The following RIMS2 variants were observed in gnomAD, a reference collection of about 807,000 sequenced individuals.
The protein encoded by RIMS2 is regulating synaptic membrane exocytosis 2.
Under a neutral mutation model 174.4 loss-of-function variants are expected in RIMS2, and 59 were observed. That is an observed-to-expected ratio of 0.34 (90% CI 0.27 to 0.42). RIMS2 has a LOEUF of 0.42. Among genes scored for constraint, RIMS2 ranks in the 10% least tolerant of loss-of-function variants. The pLI, the probability that RIMS2 is intolerant of heterozygous loss-of-function variation, is 1.00. For missense variants in RIMS2, 1,620 were observed against 1,666.3 expected, an observed-to-expected ratio of 0.97 and a Z score of 0.48; for synonymous variants, 606 against 572.5, an observed-to-expected ratio of 1.06 and a Z score of -0.84.
intron 11 of RIMS2, among the ~76,000 whole-genome samples, chr8:103,929,366 G>T (rs1318298745): frequency 6.6e-6 from 1 of 151,630 alleles, no homozygotes; most frequent in Non-Finnish European, 1.5e-5. Context: ...AAATGTTGAT[G>T]GTGGAGATGG....
intron 2 of RIMS2, among the ~76,000 whole-genome samples, chr8:103,721,486 G>A (rs1282571528): frequency 6.6e-6 from 1 of 152,196 alleles, no homozygotes; most frequent in Non-Finnish European, 1.5e-5. Flanking sequence ...ATATGTTGAA[G>A]TTTTATAGAA....
At chr8:103,756,348 A>C (rs2098004440) in intron 2 of RIMS2, among the ~76,000 whole-genome samples, 1 of 149,516 alleles carries the variant, frequency 6.7e-6, no homozygotes, top group Non-Finnish European at 1.5e-5. Flanking sequence ...GCCATCTTGG[A>C]ATGGATCCTT....
chr8:103,994,199 A>G lies in RIMS2; in HGVS notation c.3044+4778A>G, dbSNP rs143119331. Among the ~76,000 whole-genome samples the G allele has an allele frequency of 8.5e-4, 129 of 152,236 alleles. 2 individuals carry two copies. In the East Asian group the frequency reaches 0.025, roughly 29 times the overall value. ...GACTAAAGTGATTCCTAAAGGGGAC[A>G]TTCGGCTAATTTCATATAGTGGAAG... On this transcript the variant is annotated intron_variant, in intron 17 of 23. Coordinates refer to ENST00000504942, the Ensembl canonical transcript of RIMS2.
chr8:103,896,125 T>C (rs765318608), intron 4 of RIMS2, among the ~76,000 whole-genome samples: 3 of 151,644 alleles, frequency 2.0e-5, no homozygotes, highest in Non-Finnish European at 2.9e-5. Context: ...CTTATTTCCA[T>C]GGTCTTCCTG....
At chr8:103,957,649 C>T (rs1375571783) in intron 14 of RIMS2, among the ~76,000 whole-genome samples, 2 of 152,094 alleles carry the variant, frequency 1.3e-5, no homozygotes, top group East Asian at 3.9e-4. Context: ...GGAGAAATAC[C>T]TTATGTAGTT....
At chr8:104,013,650 C>T (rs754122601) in intron 18 of RIMS2, 29 bp downstream of exon 20, 6 of 1,587,072 alleles carry the variant, frequency 3.8e-6, no homozygotes, top group Non-Finnish European at 5.2e-6. Context: ...AGACTAATTT[C>T]CCCTTTGCCC....
Position 104,218,618 on chromosome 8 carries a change from A to C in RIMS2, c.3335-26298A>C, listed in dbSNP as rs1251262155. Among the ~76,000 whole-genome samples, 4 of 152,104 alleles carry C rather than the reference A, an allele frequency of 2.6e-5. 1 individual carries two copies. Among genetic ancestry groups the C allele is most frequent in the Admixed American group, 2.6e-4 (4 of 15,266 alleles). ...TGAGCTTGTTTTCCTGTAACTAGACAGTCCTATCTCGGGGTGATGGGAGAC... is the reference window on the plus strand; with the variant it reads ...TGAGCTTGTTTTCCTGTAACTAGACCGTCCTATCTCGGGGTGATGGGAGAC... On this transcript the variant is annotated intron_variant, in intron 19 of 23. Coordinates refer to ENST00000504942, the Ensembl canonical transcript of RIMS2.
chr8:104,079,469 A>T (rs1001823232), intron 19 of RIMS2, among the ~76,000 whole-genome samples: 6 of 151,582 alleles, frequency 4.0e-5, no homozygotes, highest in African/African-American at 1.5e-4. Context: ...ATTATAGTAG[A>T]CTACAGAAGG....
At chr8:103,582,341 G>T (rs2093665567) in intron 1 of RIMS2, among the ~76,000 whole-genome samples, 2 of 152,160 alleles carry the variant, frequency 1.3e-5, no homozygotes, top group South Asian at 4.2e-4. Context: ...GGCATCAGAT[G>T]AGACTCAGCA....
chr8:103,511,178 G>T (rs1037726859), intron 1 of RIMS2, among the ~76,000 whole-genome samples: 1 of 152,144 alleles, frequency 6.6e-6, no homozygotes, highest in Non-Finnish European at 1.5e-5. Flanking sequence ...TGGAGGGACT[G>T]GGGGCAAGAA....
chr8:103,650,859 C>T (rs1056011085), intron 1 of RIMS2, among the ~76,000 whole-genome samples: 1 of 152,356 alleles, frequency 6.6e-6, no homozygotes, highest in East Asian at 1.9e-4. Context: ...CCTGCTACTA[C>T]CAGCTGGCTG....
chr8:104,022,571 G>A (rs1054023962), intron 19 of RIMS2, among the ~76,000 whole-genome samples: 5 of 151,878 alleles, frequency 3.3e-5, no homozygotes, highest in African/African-American at 1.2e-4. Context: ...TAGTAAAGAC[G>A]GGTTTCACTA....
intron 4 of RIMS2, among the ~76,000 whole-genome samples, chr8:103,906,639 A>T (rs570763406): frequency 6.6e-6 from 1 of 152,300 alleles, no homozygotes; most frequent in East Asian, 1.9e-4. Flanking sequence ...AAAAAGAATT[A>T]CATTTCTGCC....
chr8:103,859,992 G>C (rs773007765), intron 3 of RIMS2, among the ~76,000 whole-genome samples: 2 of 152,020 alleles, frequency 1.3e-5, no homozygotes, highest in African/African-American at 4.8e-5. Flanking sequence ...GTGCCAGAAG[G>C]GGAGGAAAAT....
chr8:104,228,189 T>C (rs1198549757), intron 19 of RIMS2, among the ~76,000 whole-genome samples: 2 of 151,982 alleles, frequency 1.3e-5, no homozygotes, highest in African/African-American at 2.4e-5. Flanking sequence ...CCACCATGCC[T>C]GGCTAATTTT....
chr8:104,093,541 G>A (rs2097699088), intron 19 of RIMS2: 11 of 1,597,202 alleles, frequency 6.9e-6, no homozygotes, highest in Non-Finnish European at 9.3e-6. Flanking sequence ...AGTGATGTAA[G>A]TGATATATCT....
intron 3 of RIMS2, among the ~76,000 whole-genome samples, chr8:103,795,846 C>G (rs900027705): frequency 6.6e-6 from 1 of 152,140 alleles, no homozygotes; most frequent in Non-Finnish European, 1.5e-5. Context: ...AAGTACTAGA[C>G]TTGTATTTAC....
chr8:103,697,190 T>C (rs1419610200), exon 2 of RIMS2: 3 of 1,613,510 alleles, frequency 1.9e-6, no homozygotes, highest in Non-Finnish European at 8.5e-7. Context: ...ACCTGTGGTA[T>C]CTGCCACAAA....
intron 19 of RIMS2, among the ~76,000 whole-genome samples, chr8:104,074,014 C>G (rs2097244354): frequency 6.6e-6 from 1 of 152,142 alleles, no homozygotes; most frequent in South Asian, 2.1e-4. Flanking sequence ...CCACTGTTAT[C>G]TAAACTGTTT....
Sources: gnomAD v4.1 joint callset for allele counts (sites outside exome capture counted in the v4.1 genomes callset) on GRCh38, gnomAD v4.1.1 for gene constraint, MANE v1.5 for transcripts, NCBI Gene and HGNC (gene_info 2026-07-23, HGNC 2026-07-21) for gene names.